ITCH: variants seen among roughly 807,000 people sequenced by gnomAD.
ITCH encodes itchy E3 ubiquitin protein ligase.
In ITCH, 28 loss-of-function variants were observed where a neutral mutation model predicts 126.8. The observed-to-expected ratio is 0.22, with a 90% CI of 0.16 to 0.30. The LOEUF is 0.30. Among genes scored for constraint, ITCH ranks in the 10% least tolerant of loss-of-function variants. The pLI is 1.00. For missense variants in ITCH, 631 were observed against 1,032.4 expected, an observed-to-expected ratio of 0.61 and a Z score of 5.33; for synonymous variants, 342 against 340.0, an observed-to-expected ratio of 1.01 and a Z score of -0.06.
intron 16 of ITCH, among the ~76,000 whole-genome samples, chr20:34,474,557 A>C (rs1051552950): frequency 1.8e-4 from 28 of 152,348 alleles, no homozygotes; most frequent in South Asian, 4.1e-4. Flanking sequence ...TCTCCCATGT[A>C]TACTTCTTTC....
rs546834468 is a variant in ITCH, at chr20:34,414,000, C to T, written c.475+121C>T. 1.5e-4 allele frequency: 130 copies of T among 853,000 alleles called. No homozygotes were observed. The Middle Eastern group carries it at 2.9e-3, about 19-fold the overall frequency. 52.8% of individuals were successfully genotyped at this position (853,000 alleles called of 1,614,324 possible). On this transcript the variant is annotated intron_variant, in intron 6 of 24. Coordinates refer to ENST00000374864, the MANE Select transcript of ITCH (RefSeq NM_031483.7). ...GATTAATAAAATGTTTTTTTCTGGCCGGTGTGGTGGCTCACGCCTCTAATC... is the reference window on the plus strand; with the variant it reads ...GATTAATAAAATGTTTTTTTCTGGCTGGTGTGGTGGCTCACGCCTCTAATC...
intron 22 of ITCH, among the ~76,000 whole-genome samples, chr20:34,491,547 TGTTGTGTATATTTTACAAA>T (rs1989511349): frequency 6.6e-6 from 1 of 150,950 alleles, no homozygotes; most frequent in Non-Finnish European, 1.5e-5. Flanking sequence ...CGAGAATTTA[TGTTGTGTATATTTTACAAA>T]AATTTAAAAA....
At chr20:34,381,068 G>A (rs542850337) in intron 2 of ITCH, among the ~76,000 whole-genome samples, 2 of 152,216 alleles carry the variant, frequency 1.3e-5, no homozygotes, top group South Asian at 2.1e-4. Context: ...GATTACCGGT[G>A]TGAGCCACTG....
At chr20:34,368,137 G>A (rs1242007589) in intron 1 of ITCH, among the ~76,000 whole-genome samples, 1 of 152,042 alleles carries the variant, frequency 6.6e-6, no homozygotes, top group African/African-American at 2.4e-5. Context: ...GGGTGTGGTG[G>A]CATGCACCTG....
chr20:34,370,663 C>CA (rs113103425), intron 2 of ITCH, among the ~76,000 whole-genome samples: 75,489 of 129,184 alleles, frequency 0.58, 20,949 homozygotes, highest in African/African-American at 0.68. Context: ...GAGTCTGTCT[C>CA]AAAAAAAAAA....
intron 2 of ITCH, among the ~76,000 whole-genome samples, chr20:34,382,067 T>G (rs1194296626): frequency 1.3e-5 from 2 of 152,292 alleles, no homozygotes; most frequent in South Asian, 2.1e-4. Flanking sequence ...GGAATAGTAT[T>G]TCTATTCTGT....
rs751674248 is a variant in ITCH at position 34,481,078 on chromosome 20, T to C, written c.1965T>C (p.Ile655=). The change falls in exon 20 of 25, where the codon ATT becomes ATC. Residue 655 remains isoleucine (I), a synonymous_variant. Transcript: ENST00000374864. ...TTCATTTGTGCAGGGAAAACAATAT[T>C]GAGGAATGTGATTTGGAAATGTACT... is the stretch of plus-strand genomic sequence containing the variant. The part of the protein sequence containing the change: ...NSLIWVKENN[I]EECDLEMYFS... 6.2e-7 allele frequency: 1 copy of C among 1,613,564 alleles called. No homozygotes were observed. Among genetic ancestry groups the C allele is most frequent in the South Asian group, 1.1e-5 (1 of 91,076 alleles).
At chr20:34,452,205 T>C (rs995055013) in intron 12 of ITCH, among the ~76,000 whole-genome samples, 5 of 152,186 alleles carry the variant, frequency 3.3e-5, no homozygotes, top group Non-Finnish European at 7.3e-5. Flanking sequence ...AAAGCTGAAT[T>C]GTGAGCTGCG....
In ITCH at chr20:34,375,032, C is replaced by T. The variant is rs1323980320; in HGVS notation, c.-22+5562C>T. Among the ~76,000 whole-genome samples the T allele has an allele frequency of 4.6e-5, 7 of 151,664 alleles. No individual in the cohort carries two copies. The East Asian group carries it at 5.8e-4, about 13-fold the overall frequency. On this transcript the variant is annotated intron_variant, in intron 2 of 24. Transcript: ENST00000374864. ...CTGGGATTACAGGTGTCAGCCACCA[C>T]GCCTGGCGTGATTTTTTTTTTTTTT...
chr20:34,497,466 C>T (rs1989965222), intron 23 of ITCH, among the ~76,000 whole-genome samples: 1 of 152,178 alleles, frequency 6.6e-6, no homozygotes, highest in Non-Finnish European at 1.5e-5. Flanking sequence ...AGTGTGATGC[C>T]TCCAGCTTTT....
At chr20:34,445,828 G>C (rs1168981679) in intron 11 of ITCH, among the ~76,000 whole-genome samples, 1 of 152,136 alleles carries the variant, frequency 6.6e-6, no homozygotes. Flanking sequence ...CTCTAAAGTG[G>C]TTGTGCAAAA....
At chr20:34,471,188 G>C (rs1247925048) in intron 15 of ITCH, among the ~76,000 whole-genome samples, 2 of 152,100 alleles carry the variant, frequency 1.3e-5, no homozygotes, top group African/African-American at 2.4e-5. Flanking sequence ...ATTAAGTAAA[G>C]ATTTATTTGA....
At chr20:34,412,094 TC>T in intron 4 of ITCH, among the ~76,000 whole-genome samples, 4 of 152,348 alleles carry the variant, frequency 2.6e-5, no homozygotes, top group Middle Eastern at 6.8e-3. Context: ...AATGTCAGTT[TC>T]TGTATCTGAA....
At chr20:34,498,439 C>G (rs1990028417) in intron 23 of ITCH, among the ~76,000 whole-genome samples, 1 of 152,162 alleles carries the variant, frequency 6.6e-6, no homozygotes, top group Non-Finnish European at 1.5e-5. Flanking sequence ...TTAGTTTTCT[C>G]TGTTCAGTAT....
Position 34,412,541 on chromosome 20 carries a change from A to G in ITCH, c.239A>G (p.His80Arg). ...ATCGTTACCCCTGTGAGTAAATTAC[A>G]TTTTCGTGTGTGGAGTCACCAGACA... ...TVIVTPVSKL[H>R]FRVWSHQTLK... Residue 80 changes from histidine to arginine, a missense_variant, in exon 5 of 25, where the codon CAT becomes CGT. Physicochemically the swap from His to Arg is conservative, Grantham distance 29 (BLOSUM62 0). Around this residue, in one of 4 missense-constraint regions of ITCH, gnomAD observed 220 missense variants for 265.7 expected, o/e 0.83. Transcript: ENST00000374864. 1.2e-6 allele frequency: 2 copies of G among 1,603,208 alleles called. No individual in the cohort carries two copies. The highest frequency in any genetic ancestry group is 1.7e-6 in the Non-Finnish European group (2 of 1,170,300).
chr20:34,501,131 A>C (rs1447817052), intron 23 of ITCH, among the ~76,000 whole-genome samples: 1 of 152,236 alleles, frequency 6.6e-6, no homozygotes, highest in South Asian at 2.1e-4. Context: ...CACCCAGCAC[A>C]GGAAGAGAAA....
intron 16 of ITCH, among the ~76,000 whole-genome samples, chr20:34,475,278 C>T (rs1299484347): frequency 3.3e-5 from 5 of 152,178 alleles, no homozygotes; most frequent in African/African-American, 4.8e-5. Flanking sequence ...GCTGCAATCT[C>T]GGCACTTTGG....
At chr20:34,392,044 G>A (rs895246706) in intron 2 of ITCH, among the ~76,000 whole-genome samples, 3 of 152,056 alleles carry the variant, frequency 2.0e-5, no homozygotes, top group Admixed American at 2.0e-4. Flanking sequence ...TTTTCTCACT[G>A]CCCCTTAATT....
chr20:34,458,854 G>T (rs961018689), intron 13 of ITCH, among the ~76,000 whole-genome samples: 2 of 152,184 alleles, frequency 1.3e-5, no homozygotes, highest in African/African-American at 2.4e-5. Context: ...CAGTAACTCT[G>T]TTTCCAAATA....
Sources: gnomAD v4.1 joint callset for allele counts (sites outside exome capture counted in the v4.1 genomes callset) on GRCh38, gnomAD v4.1.1 for gene constraint, gnomAD v4.1.1 regional missense constraint, MANE v1.5 for transcripts, NCBI Gene and HGNC (gene_info 2026-07-23, HGNC 2026-07-21) for gene names.